CDH13: variants seen among roughly 807,000 people sequenced by gnomAD.
The protein encoded by CDH13 is cadherin-13.
Under a neutral mutation model 63.8 loss-of-function variants are expected in CDH13, and 24 were observed. The ratio of observed to expected loss-of-function variants is 0.38; its 90% CI spans 0.27 to 0.53. The LOEUF is 0.53. CDH13 is among the 20% of genes least tolerant of loss of function. CDH13 has a pLI of 0.85. For missense variants in CDH13, 1,049 were observed against 903.1 expected (o/e 1.16, Z -2.07); for synonymous variants, 503 against 355.3 (o/e 1.42, Z -4.67).
intron 2 of CDH13, among the ~76,000 whole-genome samples, chr16:82,989,293 T>A (rs1303694865): frequency 1.3e-5 from 2 of 152,148 alleles, no homozygotes; most frequent in African/African-American, 2.4e-5. Flanking sequence ...TCCCTGGGTG[T>A]CCTCAGACAA....
intron 6 of CDH13, among the ~76,000 whole-genome samples, chr16:83,384,456 C>A (rs756772034): frequency 1.9e-4 from 29 of 152,166 alleles, no homozygotes; most frequent in Non-Finnish European, 3.2e-4. Context: ...AGGGTTAAGC[C>A]AAGAGGCTTA....
At chr16:83,437,901 G>C (rs1421791322) in intron 6 of CDH13, among the ~76,000 whole-genome samples, 1 of 152,214 alleles carries the variant, frequency 6.6e-6, no homozygotes, top group African/African-American at 2.4e-5. Context: ...AAGATGGCCA[G>C]TTATCGCCCA....
chr16:83,107,253 G>A (rs1438585933), intron 3 of CDH13, among the ~76,000 whole-genome samples: 3 of 152,132 alleles, frequency 2.0e-5, no homozygotes, highest in African/African-American at 7.2e-5. Flanking sequence ...CCAACCTTCT[G>A]GCCAGAGAAA....
chr16:82,817,888 T>A (rs1045483222), intron 1 of CDH13, among the ~76,000 whole-genome samples: 1 of 152,234 alleles, frequency 6.6e-6, no homozygotes, highest in African/African-American at 2.4e-5. Context: ...TACATCTATG[T>A]TTACATACAA....
At chr16:83,353,735 C>G (rs2091002724) in intron 6 of CDH13, among the ~76,000 whole-genome samples, 1 of 152,250 alleles carries the variant, frequency 6.6e-6, no homozygotes, top group Non-Finnish European at 1.5e-5. Flanking sequence ...GCCTATGTAT[C>G]TGCCTCTCCT....
chr16:83,517,154 A>G (rs1172677867), intron 7 of CDH13, among the ~76,000 whole-genome samples: 1 of 152,240 alleles, frequency 6.6e-6, no homozygotes, highest in Non-Finnish European at 1.5e-5. Context: ...AGGAAGCTCA[A>G]CAGGGTGACT....
At chr16:83,646,167 G>C (rs1353591225) in intron 8 of CDH13, among the ~76,000 whole-genome samples, 1 of 152,004 alleles carries the variant, frequency 6.6e-6, no homozygotes, top group Non-Finnish European at 1.5e-5. Flanking sequence ...GACCAACCGG[G>C]GTCTGAATCC....
At chr16:83,354,455 C>G (rs2091015682) in intron 6 of CDH13, among the ~76,000 whole-genome samples, 1 of 152,094 alleles carries the variant, frequency 6.6e-6, no homozygotes, top group African/African-American at 2.4e-5. Flanking sequence ...TAGCAGTGAC[C>G]AAGACCATTT....
At chr16:82,691,379 A>G (rs1276765616) in intron 1 of CDH13, among the ~76,000 whole-genome samples, 3 of 152,178 alleles carry the variant, frequency 2.0e-5, no homozygotes, top group African/African-American at 7.2e-5. Flanking sequence ...ACTTGATGCA[A>G]AATCCATACC....
At chr16:83,534,196 C>G (rs955338319) in intron 7 of CDH13, among the ~76,000 whole-genome samples, 3 of 152,090 alleles carry the variant, frequency 2.0e-5, no homozygotes, top group African/African-American at 4.8e-5. Flanking sequence ...TCTGGATGCT[C>G]CATACAAATG....
intron 2 of CDH13, among the ~76,000 whole-genome samples, chr16:82,885,546 GCCATCCAT>G: frequency 6.6e-6 from 1 of 150,570 alleles, no homozygotes; most frequent in African/African-American, 2.4e-5. Context: ...CATCCATCCA[GCCATCCAT>G]CCATTCACTT....
At chr16:83,190,101 G>A (rs1351989154) in intron 4 of CDH13, among the ~76,000 whole-genome samples, 2 of 152,186 alleles carry the variant, frequency 1.3e-5, no homozygotes, top group African/African-American at 2.4e-5. Context: ...TTAGCAGCGT[G>A]AGAACAGACT....
intron 5 of CDH13, among the ~76,000 whole-genome samples, chr16:83,331,796 G>A (rs1349870840): frequency 1.3e-5 from 2 of 152,092 alleles, no homozygotes; most frequent in Non-Finnish European, 2.9e-5. Context: ...TCTCTAAAGT[G>A]TGTCTGCAAT....
chr16:82,788,739 G>A (rs1203942508), intron 1 of CDH13, among the ~76,000 whole-genome samples: 1 of 152,220 alleles, frequency 6.6e-6, no homozygotes, highest in East Asian at 1.9e-4. Context: ...TTTGGAACAA[G>A]GTGCTTAGAG....
At chr16:83,014,880 G>GTGTATATATATATGTATATATATATA (rs1567746198) in intron 2 of CDH13, among the ~76,000 whole-genome samples, 1 of 130,010 alleles carries the variant, frequency 7.7e-6, no homozygotes, top group African/African-American at 2.9e-5. Context: ...ATATATATAT[G>GTGTATATATATATGTATATATATATA]TTTGTGTATA....
At chr16:83,761,223 T>C (rs1190966195) in intron 11 of CDH13, among the ~76,000 whole-genome samples, 2 of 152,234 alleles carry the variant, frequency 1.3e-5, no homozygotes, top group Non-Finnish European at 2.9e-5. Context: ...ACCTATTTGC[T>C]TGGGGCCCCA....
intron 2 of CDH13, among the ~76,000 whole-genome samples, chr16:83,001,251 C>A (rs919403283): frequency 6.6e-6 from 1 of 152,238 alleles, no homozygotes; most frequent in Non-Finnish European, 1.5e-5. Context: ...GCAATTCCAT[C>A]TTCTTAAGTC....
intron 7 of CDH13, among the ~76,000 whole-genome samples, chr16:83,549,593 G>C (rs145396122): frequency 6.6e-6 from 1 of 150,640 alleles, no homozygotes; most frequent in Non-Finnish European, 1.5e-5. Flanking sequence ...CCCCACTCCC[G>C]TAGCACTGGG....
chr16:83,607,903 T>C (rs564557389), intron 8 of CDH13, among the ~76,000 whole-genome samples: 7 of 152,170 alleles, frequency 4.6e-5, no homozygotes, highest in Non-Finnish European at 1.0e-4. Flanking sequence ...TTCTTGTCTC[T>C]TAGGTTATTT....
Sources: gnomAD v4.1 joint callset for allele counts (sites outside exome capture counted in the v4.1 genomes callset) on GRCh38, gnomAD v4.1.1 for gene constraint, MANE v1.5 for transcripts, NCBI Gene and HGNC (gene_info 2026-07-23, HGNC 2026-07-21) for gene names.